Variants in HNRNPH3 observed in about 807,000 individuals in gnomAD.
The protein encoded by HNRNPH3 is heterogeneous nuclear ribonucleoprotein H3.
HNRNPH3 carries 7 observed loss-of-function variants against 47.0 expected under a neutral mutation model. That is an observed-to-expected ratio of 0.15 (90% confidence interval 0.08 to 0.28). The LOEUF (loss-of-function observed/expected upper bound fraction) is 0.28, where lower values mean the gene tolerates loss of function less well. Among genes scored for constraint, HNRNPH3 ranks in the 10% least tolerant of loss-of-function variants. The pLI is 1.00. For synonymous variants in HNRNPH3, 120 were observed against 143.2 expected (o/e 0.84, Z 1.16); for missense variants, 279 against 449.6 (o/e 0.62, Z 3.43).
Position 68,332,126 on chromosome 10 carries a change from T to C in HNRNPH3, c.-114T>C, listed in dbSNP as rs774960777. ...CGCTGGAGACGGTTGGGAGAACCGT[T>C]GTGGCGAGCGCTACACGAGGCAAAC... is the stretch of plus-strand genomic sequence containing the variant. On this transcript the variant is annotated 5_prime_UTR_variant, in exon 1 of 10. Transcript: ENST00000265866. The C allele has an allele frequency of 1.3e-5, 2 of 152,264 alleles. No homozygotes were observed. Among genetic ancestry groups the C allele is most frequent in the Non-Finnish European group, 2.9e-5 (2 of 68,100 alleles). The allele number at this position is 152,264 out of a possible 1,614,324, so 9.4% of individuals were successfully genotyped here.
chr10:68,335,754 G>T (rs1258047351), intron 1 of HNRNPH3, among the ~76,000 whole-genome samples: 1 of 152,146 alleles, frequency 6.6e-6, no homozygotes, highest in Non-Finnish European at 1.5e-5. Context: ...AGTCCAGTGA[G>T]GTACAGGTAC....
intron 7 of HNRNPH3, 74 bp from the exon 8 acceptor site, chr10:68,341,511 T>C (rs2045938263): frequency 8.8e-7 from 1 of 1,138,174 alleles, no homozygotes. Flanking sequence ...ATTGATCTTT[T>C]TTACAAAGCT....
chr10:68,336,065 C>G (rs1470897724), intron 1 of HNRNPH3, among the ~76,000 whole-genome samples: 1 of 151,994 alleles, frequency 6.6e-6, no homozygotes, highest in African/African-American at 2.4e-5. Flanking sequence ...AGATGCCACC[C>G]CTAAGAGATG....
Position 68,339,536 on chromosome 10 carries a change from C to G in HNRNPH3, c.620C>G (p.Thr207Ser). 6.2e-7 allele frequency: 1 copy of G among 1,610,048 alleles called. No homozygotes were observed. Residue 207 changes from threonine (T) to serine (S), a missense_variant, in exon 6 of 10, where the codon ACT (threonine) becomes AGT (serine). Thr to Ser is a moderately conservative substitution (Grantham distance 58). Around this residue, in one of 2 missense-constraint regions of HNRNPH3, gnomAD observed 239 missense variants for 335.8 expected, o/e 0.71. Coordinates refer to ENST00000265866, the MANE Select transcript of HNRNPH3 (RefSeq NM_012207.3). ...ATGAGAGGGTTGCCTTTTCGTGCAA[C>G]TGAAAATGACATTGCTAATGTGAGT... is the stretch of plus-strand genomic sequence containing the variant. Reference protein sequence around the residue: ...VHMRGLPFRATENDIANFFSP... With the variant: ...VHMRGLPFRASENDIANFFSP...
chr10:68,342,315 T>G lies in HNRNPH3; in HGVS notation c.*261T>G. The G allele has an allele frequency of 2.9e-6, 1 of 345,058 alleles. No homozygotes were observed. The highest frequency in any genetic ancestry group is 5.1e-5 in the South Asian group (1 of 19,550). 21.4% of individuals were successfully genotyped at this position (345,058 alleles called of 1,614,324 possible). A position where few individuals can be genotyped will look rare whatever the true frequency, so the allele number is the denominator to read the frequency against. Reference sequence around the variant, plus strand: ...TTTATATACTAGTTACTCCTAAAGATGTGCTGCCTTCATAAGATTTGGGTT... The same window carrying G: ...TTTATATACTAGTTACTCCTAAAGAGGTGCTGCCTTCATAAGATTTGGGTT... On this transcript the variant is annotated 3_prime_UTR_variant, in exon 10 of 10. Transcript: ENST00000265866.
Position 68,337,078 on chromosome 10 carries a change from C to CA in HNRNPH3, c.-23-120dup, listed in dbSNP as rs1221562685. ...GTCTACAATTTTGTTGTGGCATTGT[C>CA]ACAGCAGTTGGCCCCATGTTACATT... On this transcript the variant is annotated intron_variant, in intron 1 of 9. Transcript: ENST00000265866. The surrounding 1 kb of genome is among the most constrained non-coding windows in gnomAD (Gnocchi z 4.5). 1 of 530,326 alleles carries CA rather than the reference C, an allele frequency of 1.9e-6. No homozygotes were observed. The highest frequency in any genetic ancestry group is 3.4e-6 in the Non-Finnish European group (1 of 296,390). The allele number at this position is 530,326 out of a possible 1,614,324, so 32.9% of individuals were successfully genotyped here. A position where few individuals can be genotyped will look rare whatever the true frequency, so the allele number is the denominator to read the frequency against.
intron 1 of HNRNPH3, among the ~76,000 whole-genome samples, chr10:68,335,134 A>G (rs2045472774): frequency 1.3e-5 from 2 of 151,968 alleles, no homozygotes; most frequent in Non-Finnish European, 2.9e-5. Flanking sequence ...ATTGGGTCTT[A>G]TCATTGGTAC....
intron 4 of HNRNPH3, 34 bp downstream of exon 4, chr10:68,338,721 C>T (rs1225305733): frequency 1.4e-6 from 2 of 1,478,272 alleles, no homozygotes; most frequent in Admixed American, 4.5e-5. Flanking sequence ...GTTCTGTTGT[C>T]ATTTTCTTAA....
Position 68,341,766 on chromosome 10 carries a change from G to A in HNRNPH3, c.879G>A (p.Gln293=), listed in dbSNP as rs1384924007. ...TCTTTTTTCTTTTTAAAGATAATCAGGGAGGCTATGGATCAGTTGGAAGAA... is the reference window on the plus strand; with the variant it reads ...TCTTTTTTCTTTTTAAAGATAATCAAGGAGGCTATGGATCAGTTGGAAGAA... ...GGYGRDGMDN[Q]GGYGSVGRMG... Residue 293 remains glutamine, a synonymous_variant, in exon 9 of 10, where the codon CAG becomes CAA. Transcript: ENST00000265866. The A allele has an allele frequency of 6.2e-7, 1 of 1,602,430 alleles. No individual in the cohort carries two copies.
Position 68,341,557 on chromosome 10 carries a change from CCT to C in HNRNPH3, c.776-27_776-26del, listed in dbSNP as rs200181106. 2.2e-3 allele frequency: 3,115 copies of C among 1,429,830 alleles called. 33 individuals are homozygous for C. The African/African-American group carries it at 0.028, about 13-fold the overall frequency. 88.6% of individuals were successfully genotyped at this position (1,429,830 alleles called of 1,614,324 possible). A position where few individuals can be genotyped will look rare whatever the true frequency, so the allele number is the denominator to read the frequency against. ...AATTTTATCCATCATTCCTTTCTCCCCTGTTACTCTTTCTTTTTTTCTTAAAG... is the reference window on the plus strand; with the variant it reads ...AATTTTATCCATCATTCCTTTCTCCCGTTACTCTTTCTTTTTTTCTTAAAG... On this transcript the variant is annotated intron_variant, in intron 7 of 9. Transcript: ENST00000265866.
At chr10:68,339,414 T>C (rs777695096) in intron 5 of HNRNPH3, 26 bp from the exon 6 acceptor site, 29 of 1,590,082 alleles carry the variant, frequency 1.8e-5, no homozygotes, top group South Asian at 9.9e-5. Context: ...TAATAGTTTA[T>C]AATCTTGGCA....
rs1342520764 is a variant in HNRNPH3, at chr10:68,337,142, C to A, written c.-23-57C>A. 1.2e-6 allele frequency: 1 copy of A among 811,432 alleles called. No homozygotes were observed. The highest frequency in any genetic ancestry group is 1.7e-5 in the African/African-American group (1 of 57,642). The allele number at this position is 811,432 out of a possible 1,614,324, so 50.3% of individuals were successfully genotyped here. ...CCTCTGAGAGGTGTTTCTTCATTAC[C>A]TCTTGACAAGAGTATATTTTGATTG... On this transcript the variant is annotated intron_variant, in intron 1 of 9. Transcript: ENST00000265866. This position sits in a 1 kb window ranked among gnomAD's most constrained non-coding sequence, Gnocchi z 4.5.
At position 68,339,393 on chromosome 10, in the gene HNRNPH3, A is replaced by G. The variant is rs1403473636; in HGVS notation, c.524-47A>G. The G allele has an allele frequency of 5.2e-6, 8 of 1,546,466 alleles. No individual in the cohort carries two copies. The African/African-American group carries it at 9.5e-5, about 18-fold the overall frequency. On this transcript the variant is annotated intron_variant, in intron 5 of 9. Transcript: ENST00000265866. ...GTATAGTATGTATGTATACTTCCCT[A>G]CTTGTATCTGTAATAGTTTATAATC...
rs761914968 is a variant in HNRNPH3, at chr10:68,341,760, TAATC to T, written c.875_878del (p.Asn292ArgfsTer45). ...TTTTTTTCTTTTTTCTTTTTAAAGATAATCAGGGAGGCTATGGATCAGTTGGAAG... is the reference window on the plus strand; with the variant it reads ...TTTTTTTCTTTTTTCTTTTTAAAGATAGGGAGGCTATGGATCAGTTGGAAG... On this transcript the variant is annotated frameshift_variant and splice_region_variant, in exon 9 of 10. Coordinates refer to ENST00000265866, the MANE Select transcript of HNRNPH3 (RefSeq NM_012207.3). LOFTEE classifies it high-confidence loss of function. 1 of 1,599,388 alleles carries T rather than the reference TAATC, an allele frequency of 6.3e-7. No homozygotes were observed. Among genetic ancestry groups the T allele is most frequent in the Non-Finnish European group, 8.5e-7 (1 of 1,174,600 alleles).
chr10:68,339,566 T>C lies in HNRNPH3; in HGVS notation c.639+11T>C, dbSNP rs777956739. 4.7e-6 allele frequency: 7 copies of C among 1,497,364 alleles called. No homozygotes were observed. Among genetic ancestry groups the C allele is most frequent in the Non-Finnish European group, 6.5e-6 (7 of 1,075,272 alleles). 92.8% of individuals were successfully genotyped at this position (1,497,364 alleles called of 1,614,324 possible). A position where few individuals can be genotyped will look rare whatever the true frequency, so the allele number is the denominator to read the frequency against. ...AATGACATTGCTAATGTGAGTAATT[T>C]TTAATAACTATTAGTGGTTTTATAC... On this transcript the variant is annotated intron_variant, in intron 6 of 9. Transcript: ENST00000265866.
Position 68,337,354 on chromosome 10 carries a change from A to G in HNRNPH3, c.112+21A>G. Reference sequence around the variant, plus strand: ...TCAAGGTACCTCTAGTATTAGTCAAAGTTTAGTAGTATTGTAATTTTATAT... The same window carrying G: ...TCAAGGTACCTCTAGTATTAGTCAAGGTTTAGTAGTATTGTAATTTTATAT... On this transcript the variant is annotated intron_variant, in intron 2 of 9. Coordinates refer to ENST00000265866, the MANE Select transcript of HNRNPH3 (RefSeq NM_012207.3). This position sits in a 1 kb window ranked among gnomAD's most constrained non-coding sequence, Gnocchi z 4.5. 1 of 1,274,858 alleles carries G rather than the reference A, an allele frequency of 7.8e-7. No homozygotes were observed. The highest frequency in any genetic ancestry group is 1.1e-6 in the Non-Finnish European group (1 of 875,530). 79.0% of individuals were successfully genotyped at this position (1,274,858 alleles called of 1,614,324 possible).
chr10:68,341,486 G>T, intron 7 of HNRNPH3, 99 bp from the exon 8 acceptor site: 1 of 1,028,700 alleles, frequency 9.7e-7, no homozygotes, highest in Non-Finnish European at 1.4e-6. Flanking sequence ...AGCATACTTT[G>T]TTTAATATTA....
intron 4 of HNRNPH3, 184 bp downstream of exon 4, chr10:68,338,871 C>G (rs909276809): frequency 1.8e-6 from 1 of 541,770 alleles, no homozygotes; most frequent in African/African-American, 2.0e-5. Flanking sequence ...ACCTAGAAAA[C>G]TTACACAGAA....
chr10:68,333,387 A>G (rs1228697619), intron 1 of HNRNPH3, among the ~76,000 whole-genome samples: 1 of 152,168 alleles, frequency 6.6e-6, no homozygotes, highest in African/African-American at 2.4e-5. Context: ...CAACCCAGTG[A>G]TGGTAGATGT....
Sources: gnomAD v4.1 joint callset for allele counts (sites outside exome capture counted in the v4.1 genomes callset) on GRCh38, gnomAD v4.1.1 for gene constraint, gnomAD v4.1.1 regional missense constraint, Gnocchi (gnomAD v3.1) non-coding constraint, MANE v1.5 for transcripts, NCBI Gene and HGNC (gene_info 2026-07-23, HGNC 2026-07-21) for gene names.